The following RTN4 variants were observed in gnomAD, a reference collection of about 807,000 sequenced individuals.
RTN4 encodes the protein reticulon 4.
A neutral mutation model predicts 90.4 loss-of-function variants in RTN4; 32 were observed. The observed-to-expected ratio is 0.35, with a 90% CI of 0.27 to 0.48. The LOEUF is 0.48. Among genes scored for constraint, RTN4 ranks in the 20% least tolerant of loss-of-function variants. RTN4 has a pLI of 0.99. For synonymous variants in RTN4, 629 were observed against 552.5 expected, an observed-to-expected ratio of 1.14 and a Z score of -1.94; for missense variants, 1,706 against 1,430.2, an observed-to-expected ratio of 1.19 and a Z score of -3.11.
chr2:55,098,485 T>G (rs1667792190), intron 1 of RTN4, among the ~76,000 whole-genome samples: 1 of 152,066 alleles, frequency 6.6e-6, no homozygotes, highest in Non-Finnish European at 1.5e-5. Context: ...TCTTTTATCT[T>G]TACTTCCAAC....
intron 1 of RTN4, among the ~76,000 whole-genome samples, chr2:55,080,975 C>G (rs1668701588): frequency 6.6e-6 from 1 of 152,198 alleles, no homozygotes; most frequent in Non-Finnish European, 1.5e-5. Flanking sequence ...TGACATTATA[C>G]TTTTTAAAAA....
chr2:55,094,093 G>A (rs776619108), intron 1 of RTN4, among the ~76,000 whole-genome samples: 7 of 152,164 alleles, frequency 4.6e-5, no homozygotes, highest in Non-Finnish European at 1.0e-4. Flanking sequence ...TGTTAAAGCT[G>A]CACCCTCAGT....
chr2:55,120,151 A>C, the RTN4 span, among the ~76,000 whole-genome samples: 1 of 152,224 alleles, frequency 6.6e-6, no homozygotes, highest in South Asian at 2.1e-4. Flanking sequence ...GAACCTAAGG[A>C]GGGGCTGAAC....
upstream of RTN4, among the ~76,000 whole-genome samples, chr2:55,116,324 G>A (rs2105073246): frequency 6.6e-6 from 1 of 152,188 alleles, no homozygotes; most frequent in South Asian, 2.1e-4. Flanking sequence ...CAGATAATGG[G>A]AGAAACATAT....
At chr2:54,974,552 A>AT in intron 6 of RTN4, 143 bp downstream of exon 6, 1 of 681,768 alleles carries the variant, frequency 1.5e-6, no homozygotes, top group Non-Finnish European at 2.6e-6. Context: ...AAGTGCTGGG[A>AT]TTACAGGCAT....
At chr2:54,976,587 G>A (rs575579280) in intron 5 of RTN4, among the ~76,000 whole-genome samples, 1 of 152,294 alleles carries the variant, frequency 6.6e-6, no homozygotes, top group East Asian at 1.9e-4. Flanking sequence ...TTTAAATGTT[G>A]CAGCTATGTT....
chr2:55,066,619 G>A (rs531833273), intron 2 of RTN4, among the ~76,000 whole-genome samples: 20 of 152,056 alleles, frequency 1.3e-4, no homozygotes, highest in East Asian at 5.8e-4. Flanking sequence ...GCTTGAACCC[G>A]GGAAGCGGAG....
At chr2:55,103,842 C>G (rs909756919) in intron 1 of RTN4, among the ~76,000 whole-genome samples, 3 of 151,584 alleles carry the variant, frequency 2.0e-5, no homozygotes, top group Non-Finnish European at 4.4e-5. Flanking sequence ...TTACAGGCTC[C>G]CACCACCACA....
chr2:55,059,728 G>A (rs1379048151), intron 2 of RTN4, among the ~76,000 whole-genome samples: 1 of 152,020 alleles, frequency 6.6e-6, no homozygotes, highest in Admixed American at 6.5e-5. Context: ...CAGCTACTCA[G>A]GAGGCTGAGG....
intron 1 of RTN4, among the ~76,000 whole-genome samples, chr2:55,109,040 G>C (rs1300897849): frequency 6.6e-6 from 1 of 152,106 alleles, no homozygotes; most frequent in Non-Finnish European, 1.5e-5. Context: ...TAAATTATGA[G>C]AAGTGGGATT....
At chr2:55,039,183 G>T (rs888481279) in intron 1 of RTN4, among the ~76,000 whole-genome samples, 4 of 152,168 alleles carry the variant, frequency 2.6e-5, no homozygotes, top group South Asian at 2.1e-4. Flanking sequence ...TCTATATCTT[G>T]TCAGAGGTGT....
rs1678226515 is a variant in RTN4, at chr2:54,982,568, T to C, written c.3307A>G (p.Ile1103Val). ...AAGAAGAGGCGCCTGAGTTCCTTTA[T>C]CGTGCAGTTCACATGACCAAGAGCA... ...NSALGHVNCT[I>V]KELRRLFLVD... The change falls in exon 5 of 9, where the codon ATA (isoleucine) becomes GTA (valine). Residue 1103 changes from isoleucine (I) to valine (V), a missense_variant. Transcript: ENST00000337526. 1 of 1,613,760 alleles carries C rather than the reference T, an allele frequency of 6.2e-7. No homozygotes were observed. Among genetic ancestry groups the C allele is most frequent in the Non-Finnish European group, 8.5e-7 (1 of 1,179,904 alleles).
chr2:54,990,473 A>C (rs1389248643), intron 3 of RTN4, among the ~76,000 whole-genome samples: 3 of 152,240 alleles, frequency 2.0e-5, no homozygotes, highest in Admixed American at 6.5e-5. Flanking sequence ...ATTAATGTAA[A>C]GCACTTAATA....
the RTN4 span, among the ~76,000 whole-genome samples, chr2:55,134,247 C>G: frequency 3.3e-5 from 5 of 152,128 alleles, no homozygotes; most frequent in South Asian, 8.3e-4. Flanking sequence ...GCCTCTTTAC[C>G]GCATCCTGTT....
At chr2:55,068,818 A>C (rs1165363508) in intron 2 of RTN4, among the ~76,000 whole-genome samples, 1 of 152,234 alleles carries the variant, frequency 6.6e-6, no homozygotes, top group Non-Finnish European at 1.5e-5. Context: ...GAATGTTAAA[A>C]AATGGGCACT....
intron 2 of RTN4, among the ~76,000 whole-genome samples, chr2:55,061,977 G>A (rs1573490859): frequency 6.6e-6 from 1 of 152,072 alleles, no homozygotes; most frequent in East Asian, 1.9e-4. Context: ...GCACATTGGC[G>A]GAGGAACACA....
At chr2:55,055,936 C>T (rs1432271513) in intron 2 of RTN4, among the ~76,000 whole-genome samples, 3 of 151,018 alleles carry the variant, frequency 2.0e-5, no homozygotes, top group East Asian at 3.9e-4. Flanking sequence ...CATGTATATA[C>T]ATATATGTAG....
chr2:55,042,734 T>C (rs1428959363), intron 1 of RTN4, among the ~76,000 whole-genome samples: 3 of 152,156 alleles, frequency 2.0e-5, no homozygotes, highest in Non-Finnish European at 4.4e-5. Flanking sequence ...ATACAGAATA[T>C]GAAGATCAGC....
At position 55,014,866 on chromosome 2, in the gene RTN4, C is replaced by T. The variant is rs533540470; in HGVS notation, c.3013+10220G>A. 5.3e-5 allele frequency among the ~76,000 whole-genome samples: 8 copies of T among 152,156 alleles called. No individual in the cohort carries two copies. In the East Asian group the frequency reaches 1.5e-3, roughly 29 times the overall value. On this transcript the variant is annotated intron_variant, in intron 3 of 8. Coordinates refer to ENST00000337526, the MANE Select transcript of RTN4 (RefSeq NM_020532.5). ...TTCAAGAATTAATAGTCACTAGGCC[C>T]TAAACAGATCTTCTTAAACTTTAAT...
Sources: gnomAD v4.1 joint callset for allele counts (sites outside exome capture counted in the v4.1 genomes callset) on GRCh38, gnomAD v4.1.1 for gene constraint, MANE v1.5 for transcripts, NCBI Gene and HGNC (gene_info 2026-07-23, HGNC 2026-07-21) for gene names.